The following ZNF717 variants were observed in gnomAD, a reference collection of about 807,000 sequenced individuals.
ZNF717 encodes the protein krueppel-like factor X17.
ZNF717 carries 9 observed loss-of-function variants against 13.8 expected under a neutral mutation model. That is an observed-to-expected ratio of 0.65 (90% CI 0.39 to 1.14). The LOEUF is 1.14. ZNF717 is among the 50% of genes most tolerant of loss of function. The probability of loss-of-function intolerance (pLI) is 0.01; values close to 1 mark genes in which losing one functional copy is unlikely to be tolerated. For synonymous variants in ZNF717, 327 were observed against 364.1 expected, an observed-to-expected ratio of 0.90 and a Z score of 1.16; for missense variants, 1,040 against 1,080.7, an observed-to-expected ratio of 0.96 and a Z score of 0.53.
chr3:75,718,881 T>C (rs1236604035), intron 4 of ZNF717, among the ~76,000 whole-genome samples: 4 of 152,300 alleles, frequency 2.6e-5, no homozygotes, highest in Non-Finnish European at 4.4e-5. Context: ...GGCCCAGGGA[T>C]GGGGACCACT....
chr3:75,717,940 A>G (rs1938089648), intron 4 of ZNF717, among the ~76,000 whole-genome samples: 1 of 152,196 alleles, frequency 6.6e-6, no homozygotes, highest in Non-Finnish European at 1.5e-5. Context: ...ACTTAAGACA[A>G]AGATTTCAGT....
intron 6 of ZNF717, among the ~76,000 whole-genome samples, chr3:75,704,177 C>T (rs1229852955): frequency 8.2e-3 from 1,164 of 141,614 alleles, no homozygotes; most frequent in African/African-American, 0.034. Flanking sequence ...AAAGACAATG[C>T]ACTCCTGCTC....
At chr3:75,765,011 A>ATGTGTGTGTG (rs1559661726) in intron 2 of ZNF717, among the ~76,000 whole-genome samples, 2 of 18,766 alleles carry the variant, frequency 1.1e-4, no homozygotes, top group African/African-American at 3.0e-4. Flanking sequence ...ATATATATAT[A>ATGTGTGTGTG]TATATATATA....
chr3:75,706,147 G>T (rs367678617), downstream of ZNF717, among the ~76,000 whole-genome samples: 1,065 of 140,762 alleles, frequency 7.6e-3, no homozygotes, highest in African/African-American at 0.032. Flanking sequence ...AAAAAAAAGT[G>T]TGATAAAGCT....
At chr3:75,761,371 A>G (rs1315473856) in intron 2 of ZNF717, among the ~76,000 whole-genome samples, 1 of 152,280 alleles carries the variant, frequency 6.6e-6, no homozygotes, top group Non-Finnish European at 1.5e-5. Context: ...TAATAGATGG[A>G]AACTCCTCAG....
At chr3:75,763,646 G>A (rs59288254) in intron 2 of ZNF717, among the ~76,000 whole-genome samples, 1 of 152,076 alleles carries the variant, frequency 6.6e-6, no homozygotes, top group African/African-American at 2.4e-5. Flanking sequence ...GCCAACCCAG[G>A]ATTAGGCCCT....
intron 4 of ZNF717, among the ~76,000 whole-genome samples, chr3:75,740,570 ATTTTTTTTT>A (rs63657763): frequency 8.0e-6 from 1 of 125,046 alleles, no homozygotes; most frequent in African/African-American, 2.9e-5. Context: ...GTACTCAGCT[ATTTTTTTTT>A]TTTTTTTTTG....
At position 75,756,534 on chromosome 3, in the gene ZNF717, T is replaced by G. The variant is rs1187430242; in HGVS notation, c.58-14798A>C. 3.9e-5 allele frequency among the ~76,000 whole-genome samples: 6 copies of G among 152,268 alleles called. No homozygotes were observed. The East Asian group carries it at 1.2e-3, about 29-fold the overall frequency. ...GCAAAGGAAGTGTTCTTGAAAGAAA[T>G]TTAAAGTACTACTCCAGTGAACACA... On this transcript the variant is annotated intron_variant, in intron 2 of 4. Transcript: ENST00000652011.
intron 5 of ZNF717, among the ~76,000 whole-genome samples, chr3:75,713,968 A>C (rs1353397486): frequency 2.6e-5 from 4 of 152,086 alleles, no homozygotes; most frequent in African/African-American, 9.7e-5. Context: ...AGGTGGGGAG[A>C]GAGAGAGACA....
intron 2 of ZNF717, 167 bp from the exon 3 acceptor site, chr3:75,741,903 C>A: frequency 2.4e-6 from 2 of 818,628 alleles, no homozygotes; most frequent in South Asian, 2.0e-5. Context: ...AAAGCATCAG[C>A]CCAAAGATTC....
At chr3:75,741,807 A>G in intron 2 of ZNF717, 71 bp from the exon 3 acceptor site, 1 of 1,521,538 alleles carries the variant, frequency 6.6e-7, no homozygotes, top group South Asian at 1.3e-5. Flanking sequence ...AGCATCATCC[A>G]CGTCCTGCCA....
At chr3:75,775,609 C>G (rs1299264140) in intron 2 of ZNF717, among the ~76,000 whole-genome samples, 1 of 152,202 alleles carries the variant, frequency 6.6e-6, no homozygotes. Flanking sequence ...AATCCCAGCA[C>G]TTTGGGAGGC....
chr3:75,779,675 A>C (rs1490831716), intron 2 of ZNF717, among the ~76,000 whole-genome samples: 1 of 143,942 alleles, frequency 6.9e-6, no homozygotes, highest in East Asian at 2.2e-4. Context: ...ACAATGGGAG[A>C]GTCGTGCTAA....
At chr3:75,719,169 C>T (rs1448494103) in intron 4 of ZNF717, among the ~76,000 whole-genome samples, 7 of 151,654 alleles carry the variant, frequency 4.6e-5, no homozygotes, top group African/African-American at 1.7e-4. Flanking sequence ...GTGTCACATG[C>T]CTGTGGTCTC....
intron 2 of ZNF717, among the ~76,000 whole-genome samples, chr3:75,766,785 G>A (rs1262814233): frequency 6.6e-6 from 1 of 152,258 alleles, no homozygotes; most frequent in Non-Finnish European, 1.5e-5. Context: ...TGCAAAGTAT[G>A]TTGTCTCAAC....
At chr3:75,748,952 C>G (rs1474155863) in intron 2 of ZNF717, among the ~76,000 whole-genome samples, 4 of 152,012 alleles carry the variant, frequency 2.6e-5, no homozygotes, top group Non-Finnish European at 5.9e-5. Flanking sequence ...CAGAACACTA[C>G]TGCTGTGGTC....
intron 6 of ZNF717, among the ~76,000 whole-genome samples, chr3:75,696,308 C>G (rs1459856263): frequency 6.6e-6 from 1 of 152,292 alleles, no homozygotes; most frequent in Non-Finnish European, 1.5e-5. Context: ...AAATTAAAGC[C>G]TTAATTAAAA....
Position 75,736,932 on chromosome 3 carries a change from A to C in ZNF717, c.2691T>G (p.Ser897=), listed in dbSNP as rs1023979953. ...ACACATAGCCTGCCTCAGCTACGTC[A>C]GATTTCTCTCCTATATGGGTTTGTT... The part of the protein sequence containing the change: ...RHQQTHIGEK[S]DVAEAGYVFP... The change falls in exon 5 of 5, where the codon TCT becomes TCG. Residue 897 remains serine, a synonymous_variant. Coordinates refer to ENST00000652011, the MANE Select transcript of ZNF717 (RefSeq NM_001290208.3). 5.1e-6 allele frequency: 8 copies of C among 1,563,156 alleles called. No homozygotes were observed. The highest frequency in any genetic ancestry group is 6.9e-6 in the Non-Finnish European group (8 of 1,154,148).
At chr3:75,756,975 G>A (rs1395172457) in intron 2 of ZNF717, among the ~76,000 whole-genome samples, 1 of 152,270 alleles carries the variant, frequency 6.6e-6, no homozygotes, top group African/African-American at 2.4e-5. Flanking sequence ...ACAGCGCCCG[G>A]CCTCTCTTCA....
Sources: gnomAD v4.1 joint callset for allele counts (sites outside exome capture counted in the v4.1 genomes callset) on GRCh38, gnomAD v4.1.1 for gene constraint, MANE v1.5 for transcripts, NCBI Gene and HGNC (gene_info 2026-07-23, HGNC 2026-07-21) for gene names.